The following UBN1 variants were observed in gnomAD, a reference collection of about 807,000 sequenced individuals.
UBN1 encodes ubinuclein-1.
A neutral mutation model predicts 108.5 loss-of-function variants in UBN1; 17 were observed. The observed-to-expected ratio is 0.16, with a 90% CI of 0.11 to 0.24. UBN1 has a LOEUF of 0.24. Ranked by LOEUF, UBN1 falls within the 10% of genes least tolerant of loss-of-function variation. UBN1 has a pLI of 1.00. For missense variants in UBN1, 1,595 were observed against 1,394.4 expected (o/e 1.14, Z -2.29); for synonymous variants, 726 against 564.2 (o/e 1.29, Z -4.07).
chr16:4,858,801 C>T (rs565491728), intron 4 of UBN1, 138 bp downstream of exon 4: 20 of 964,422 alleles, frequency 2.1e-5, no homozygotes, highest in Middle Eastern at 2.3e-4. Flanking sequence ...TGATGAGAGA[C>T]GAAATGACAT....
chr16:4,855,039 A>T (rs1273405965), intron 2 of UBN1, among the ~76,000 whole-genome samples: 1 of 152,106 alleles, frequency 6.6e-6, no homozygotes, highest in Non-Finnish European at 1.5e-5. Context: ...AGCATTTTTA[A>T]GCACCTGTGT....
At position 4,865,430 on chromosome 16, in the gene UBN1, C is replaced by G. The variant is rs568311943; in HGVS notation, c.1111-3403C>G. Among the ~76,000 whole-genome samples the G allele has an allele frequency of 3.9e-5, 6 of 152,178 alleles. 1 individual carries two copies. In the South Asian group the frequency reaches 8.3e-4, roughly 21 times the overall value. Reference sequence around the variant, plus strand: ...GCGCGGTGGCTCATGCCTGTAATCGCAGTACTTTGGGAGGCCGAGGTGGGA... The same window carrying G: ...GCGCGGTGGCTCATGCCTGTAATCGGAGTACTTTGGGAGGCCGAGGTGGGA... On this transcript the variant is annotated intron_variant, in intron 7 of 17. Transcript: ENST00000262376.
At chr16:4,869,217 A>T (rs1010705151) in intron 8 of UBN1, among the ~76,000 whole-genome samples, 8 of 152,126 alleles carry the variant, frequency 5.3e-5, no homozygotes, top group African/African-American at 1.9e-4. Context: ...GAGAGAGAGA[A>T]GGTGTTGCCT....
intron 1 of UBN1, among the ~76,000 whole-genome samples, chr16:4,851,116 C>G (rs544310854): frequency 6.6e-6 from 1 of 152,304 alleles, no homozygotes; most frequent in South Asian, 2.1e-4. Flanking sequence ...GTGATTGATG[C>G]TGGAAGAAAC....
At chr16:4,873,428 C>A (rs2087734670) in intron 14 of UBN1, among the ~76,000 whole-genome samples, 1 of 152,118 alleles carries the variant, frequency 6.6e-6, no homozygotes. Flanking sequence ...TAGCTTGGAG[C>A]CACAGCAGAA....
At chr16:4,857,496 C>T (rs1382594144) in intron 2 of UBN1, among the ~76,000 whole-genome samples, 1 of 151,768 alleles carries the variant, frequency 6.6e-6, no homozygotes, top group Non-Finnish European at 1.5e-5. Context: ...TTTGGTAGCA[C>T]CGAGAGAAGT....
chr16:4,866,742 G>A (rs1010550238), intron 7 of UBN1, among the ~76,000 whole-genome samples: 4 of 152,124 alleles, frequency 2.6e-5, no homozygotes, highest in African/African-American at 9.7e-5. Context: ...AAACTCCTGA[G>A]CTCGCGTGTT....
intron 2 of UBN1, among the ~76,000 whole-genome samples, chr16:4,853,726 T>C (rs1024047237): frequency 3.3e-5 from 5 of 152,010 alleles, no homozygotes; most frequent in Admixed American, 6.6e-5. Context: ...CACACCCAGC[T>C]AATTTCTGTG....
chr16:4,849,684 C>A (rs1242109936), intron 1 of UBN1, among the ~76,000 whole-genome samples: 1 of 151,608 alleles, frequency 6.6e-6, no homozygotes, highest in Admixed American at 6.6e-5. Flanking sequence ...CTGGACCTTC[C>A]CAGTCTAAAG....
chr16:4,856,730 A>G (rs931080582), intron 2 of UBN1, among the ~76,000 whole-genome samples: 2 of 152,194 alleles, frequency 1.3e-5, no homozygotes, highest in South Asian at 2.1e-4. Flanking sequence ...GTGCTGCTCA[A>G]GGTTGGTGGG....
intron 3 of UBN1, 112 bp downstream of exon 3, chr16:4,858,188 T>TA: frequency 1.3e-6 from 1 of 778,570 alleles, no homozygotes; most frequent in Admixed American, 2.4e-5. Flanking sequence ...AAGTAAGCCT[T>TA]AAGCATGGAG....
Position 4,874,596 on chromosome 16 carries a change from C to T in UBN1, c.2186C>T (p.Ala729Val). Residue 729 changes from alanine (A) to valine (V), a missense_variant, in exon 15 of 18, where the codon GCT becomes GTT. Transcript: ENST00000262376. The part of the protein sequence containing the change: ...AKPSPSAPPP[A>V]SSLQSPLNFL... The stretch of plus-strand genomic sequence containing the variant: ...CCTAGTCCTTCTGCTCCACCACCAG[C>T]TAGCTCTCTGCAGTCACCCCTCAAT... 1 of 1,614,244 alleles carries T rather than the reference C, an allele frequency of 6.2e-7. No homozygotes were observed. Among genetic ancestry groups the T allele is most frequent in the East Asian group, 2.2e-5 (1 of 44,890 alleles).
chr16:4,876,736 C>T, intron 15 of UBN1, 135 bp from the exon 16 acceptor site: 1 of 1,409,964 alleles, frequency 7.1e-7, no homozygotes, highest in South Asian at 1.5e-5. Flanking sequence ...AGGGTGCCTC[C>T]CAGGGCCATC....
chr16:4,860,070 A>C (rs1034749762), intron 6 of UBN1, 102 bp downstream of exon 6: 1 of 1,483,984 alleles, frequency 6.7e-7, no homozygotes. Context: ...AAGAGGCAGC[A>C]GGGCCTGGCC....
rs1252357809 is a variant in UBN1 at position 4,874,957 on chromosome 16, C to CTTT, written c.2547_2548insTTT (p.Ala849_Lys850insPhe). The CTTT allele has an allele frequency of 6.2e-7, 1 of 1,614,172 alleles. No homozygotes were observed. Among genetic ancestry groups the CTTT allele is most frequent in the Non-Finnish European group, 8.5e-7 (1 of 1,180,042 alleles). On this transcript the variant is annotated inframe_insertion, in exon 15 of 18. Coordinates refer to ENST00000262376, the MANE Select transcript of UBN1 (RefSeq NM_001079514.3). ...TCCTGCAGTTAGTGAAGACAGCGGC[C>CTTT]AAAGGCCAGGGCTTCCATCCCTCTG...
At chr16:4,862,283 A>T (rs1419429451) in intron 7 of UBN1, among the ~76,000 whole-genome samples, 1 of 152,226 alleles carries the variant, frequency 6.6e-6, no homozygotes, top group African/African-American at 2.4e-5. Flanking sequence ...TGATTTTCTC[A>T]CTTCCAAAAA....
intron 7 of UBN1, among the ~76,000 whole-genome samples, chr16:4,861,890 G>A (rs1290962402): frequency 6.6e-6 from 1 of 152,172 alleles, no homozygotes; most frequent in African/African-American, 2.4e-5. Context: ...TGTGGTGAGT[G>A]GAGATTGCGC....
At chr16:4,876,622 CAT>C (rs1250968668) in intron 15 of UBN1, among the ~76,000 whole-genome samples, 1 of 151,854 alleles carries the variant, frequency 6.6e-6, no homozygotes, top group African/African-American at 2.4e-5. Flanking sequence ...CTGTAGGAGA[CAT>C]ATTTAATATC....
chr16:4,867,344 G>C (rs897178401), intron 7 of UBN1, among the ~76,000 whole-genome samples: 3 of 152,188 alleles, frequency 2.0e-5, no homozygotes, highest in African/African-American at 7.2e-5. Context: ...CTTACACGCA[G>C]ATGTTTTCTA....
Sources: gnomAD v4.1 joint callset for allele counts (sites outside exome capture counted in the v4.1 genomes callset) on GRCh38, gnomAD v4.1.1 for gene constraint, MANE v1.5 for transcripts, NCBI Gene and HGNC (gene_info 2026-07-23, HGNC 2026-07-21) for gene names.